AASDH: variants seen among roughly 807,000 people sequenced by gnomAD.
AASDH encodes the protein beta-alanine-activating enzyme.
A neutral mutation model predicts 102.3 loss-of-function variants in AASDH; 81 were observed. The observed-to-expected ratio is 0.79, with a 90% CI of 0.66 to 0.95. The LOEUF is 0.95. Ranked by LOEUF, AASDH falls within the 40% of genes least tolerant of loss-of-function variation. The pLI, the probability that AASDH is intolerant of heterozygous loss-of-function variation, is 0.00. For synonymous variants in AASDH, 398 were observed against 454.0 expected (o/e 0.88, Z 1.57); for missense variants, 1,203 against 1,266.2 (o/e 0.95, Z 0.76).
chr4:56,362,027 G>A (rs1750359759), intron 5 of AASDH, among the ~76,000 whole-genome samples: 1 of 152,190 alleles, frequency 6.6e-6, no homozygotes, highest in Non-Finnish European at 1.5e-5. Context: ...TTGTTACCAA[G>A]AGTATGTAAA....
rs143247945 is a variant in AASDH, at chr4:56,355,766, C to T, written c.862-343G>A. 2.3e-3 allele frequency among the ~76,000 whole-genome samples: 353 copies of T among 151,876 alleles called. 3 individuals carry two copies. Among genetic ancestry groups the T allele is most frequent in the African/African-American group, 8.3e-3 (345 of 41,416 alleles). ...CCTGAACAGCTTGGGACTACAGGCA[C>T]GTACCACCACACCTAGCTAATTTTT... On this transcript the variant is annotated intron_variant, in intron 5 of 14. Coordinates refer to ENST00000205214, the MANE Select transcript of AASDH (RefSeq NM_181806.4).
At chr4:56,361,124 A>G (rs1465044431) in intron 5 of AASDH, among the ~76,000 whole-genome samples, 1 of 152,180 alleles carries the variant, frequency 6.6e-6, no homozygotes, top group Non-Finnish European at 1.5e-5. Flanking sequence ...AAATAAAAAA[A>G]ATGGAGGCCG....
chr4:56,375,198 C>T (rs1373142672), intron 4 of AASDH, among the ~76,000 whole-genome samples: 1 of 152,082 alleles, frequency 6.6e-6, no homozygotes, highest in African/African-American at 2.4e-5. Flanking sequence ...CAGCAATCTT[C>T]CTGCTTTGGC....
intron 5 of AASDH, among the ~76,000 whole-genome samples, chr4:56,363,065 C>G (rs892094846): frequency 6.6e-6 from 1 of 152,336 alleles, no homozygotes; most frequent in African/African-American, 2.4e-5. Flanking sequence ...AACGGCACAC[C>G]AGGAGATTAT....
Position 56,373,543 on chromosome 4 carries a change from A to G in AASDH, c.669-1900T>C, listed in dbSNP as rs1343927042. Among the ~76,000 whole-genome samples the G allele has an allele frequency of 2.0e-5, 3 of 152,168 alleles. No homozygotes were observed. In the East Asian group the frequency reaches 5.8e-4, roughly 29 times the overall value. ...AGAAAGAAGGGCAGGAAAAGGTCAG[A>G]AAGAGACTTTACTTCTGAAGTCCTT... On this transcript the variant is annotated intron_variant, in intron 4 of 14. Coordinates refer to ENST00000205214, the MANE Select transcript of AASDH (RefSeq NM_181806.4).
Position 56,338,808 on chromosome 4 carries a change from A to AAAT in AASDH, c.2908-20_2908-18dup. ...CTGCCAAACCTATAACAAGTAATAA[A>AAAT]AATAAATATAATTCATTCATCTAAT... On this transcript the variant is annotated splice_polypyrimidine_tract_variant and intron_variant, in intron 14 of 14. Coordinates refer to ENST00000205214, the MANE Select transcript of AASDH (RefSeq NM_181806.4). 2 of 1,601,740 alleles carry AAAT rather than the reference A, an allele frequency of 1.2e-6. No individual in the cohort carries two copies. Among genetic ancestry groups the AAAT allele is most frequent in the Non-Finnish European group, 1.7e-6 (2 of 1,173,678 alleles).
chr4:56,374,490 C>G (rs2109982498), intron 4 of AASDH, among the ~76,000 whole-genome samples: 1 of 151,862 alleles, frequency 6.6e-6, no homozygotes, highest in South Asian at 2.1e-4. Flanking sequence ...TAAACTTCTT[C>G]TTCAGAGTGG....
intron 12 of AASDH, among the ~76,000 whole-genome samples, chr4:56,344,041 A>G (rs1748034061): frequency 1.3e-5 from 2 of 152,308 alleles, no homozygotes; most frequent in South Asian, 4.1e-4. Flanking sequence ...AATGATTTAA[A>G]TATAATTTTA....
At chr4:56,386,519 C>T (rs1156801561) in intron 1 of AASDH, among the ~76,000 whole-genome samples, 3 of 152,030 alleles carry the variant, frequency 2.0e-5, no homozygotes, top group African/African-American at 7.2e-5. Flanking sequence ...AAAGGCCGGG[C>T]GCGGTGGCTC....
intron 5 of AASDH, among the ~76,000 whole-genome samples, chr4:56,369,432 C>G (rs1410463881): frequency 1.3e-5 from 2 of 152,178 alleles, no homozygotes; most frequent in Admixed American, 1.3e-4. Flanking sequence ...GAATGACTCT[C>G]TAACAGATGA....
intron 6 of AASDH, 144 bp from the exon 7 acceptor site, chr4:56,354,955 G>T: frequency 1.2e-6 from 1 of 851,862 alleles, no homozygotes; most frequent in Non-Finnish European, 1.8e-6. Flanking sequence ...AAAAGGTTAG[G>T]TGGAAAGGTA....
chr4:56,365,172 T>C (rs967302420), intron 5 of AASDH, among the ~76,000 whole-genome samples: 154 of 152,006 alleles, frequency 1.0e-3, no homozygotes, highest in Admixed American at 9.8e-3. Flanking sequence ...GAGCTAACTA[T>C]CCTAAATATA....
At position 56,353,524 on chromosome 4, in the gene AASDH, T is replaced by C. The variant is rs750146172; in HGVS notation, c.1456A>G (p.Met486Val). The C allele has an allele frequency of 3.1e-6, 5 of 1,613,698 alleles. No homozygotes were observed. The highest frequency in any genetic ancestry group is 4.2e-6 in the Non-Finnish European group (5 of 1,179,940). Residue 486 changes from methionine (M) to valine (V), a missense_variant, in exon 9 of 15, where the codon ATG becomes GTG. Coordinates refer to ENST00000205214, the MANE Select transcript of AASDH (RefSeq NM_181806.4). ...TTTACTGAAGCATCTTTAGACACCA[T>C]GAAGAGAATTAATTTTTCCTGATTA... ...WYNQEKLILF[M>V]VSKDASVKEY...
Position 56,378,393 on chromosome 4 carries a change from G to A in AASDH, c.423C>T (p.Leu141=), listed in dbSNP as rs776194847. Reference sequence around the variant, plus strand: ...CAGTATTTTTCCAGTGAAGTCTGAAGAGCACTAGGTCATTATGTTCCACTG... The same window carrying A: ...CAGTATTTTTCCAGTGAAGTCTGAAAAGCACTAGGTCATTATGTTCCACTG... ...TFTVEHNDLV[L]FRLHWKNTEV... is the part of the protein sequence containing the mutation. Residue 141 remains leucine (L), a synonymous_variant, in exon 4 of 15, where the codon CTC becomes CTT. Coordinates refer to ENST00000205214, the MANE Select transcript of AASDH (RefSeq NM_181806.4). The A allele has an allele frequency of 1.4e-5, 22 of 1,613,668 alleles. No individual in the cohort carries two copies. The Admixed American group carries it at 2.7e-4, about 20-fold the overall frequency.
Position 56,348,493 on chromosome 4 carries a change from G to C in AASDH, c.2488+770C>G, listed in dbSNP as rs546489977. ...TGGTCTCGAACTCCTGGGCACAAGC[G>C]ATCTGTCCACCTTGGCCTCTCAAAG... On this transcript the variant is annotated intron_variant, in intron 11 of 14. Transcript: ENST00000205214. 5.9e-5 allele frequency among the ~76,000 whole-genome samples: 9 copies of C among 152,194 alleles called. No homozygotes were observed. In the South Asian group the frequency reaches 1.0e-3, roughly 18 times the overall value.
At chr4:56,356,497 C>G (rs1749656254) in intron 5 of AASDH, 1 of 1,329,832 alleles carries the variant, frequency 7.5e-7, no homozygotes, top group African/African-American at 1.5e-5. Flanking sequence ...GAGAAGAAAG[C>G]TGCTGGCAAA....
Position 56,387,330 on chromosome 4 carries a change from C to G in AASDH, c.-43+32G>C, listed in dbSNP as rs943579499. Reference sequence around the variant, plus strand: ...GCACTTCGCCTCCTTCACACAGACCCCCGCCGGACACCGCGCCCTGCCGCG... The same window carrying G: ...GCACTTCGCCTCCTTCACACAGACCGCCGCCGGACACCGCGCCCTGCCGCG... On this transcript the variant is annotated intron_variant, in intron 1 of 14. Transcript: ENST00000205214. 3 of 152,584 alleles carry G rather than the reference C, an allele frequency of 2.0e-5. No homozygotes were observed. The East Asian group carries it at 5.8e-4, about 29-fold the overall frequency. The allele number at this position is 152,584 out of a possible 1,614,324, so 9.5% of individuals were successfully genotyped here. A position where few individuals can be genotyped will look rare whatever the true frequency, so the allele number is the denominator to read the frequency against.
At chr4:56,357,920 T>C (rs555714645) in intron 5 of AASDH, among the ~76,000 whole-genome samples, 27 of 151,874 alleles carry the variant, frequency 1.8e-4, no homozygotes, top group Admixed American at 1.6e-3. Context: ...TGTGTTTAAT[T>C]TACAGATCAA....
intron 6 of AASDH, 34 bp from the exon 7 acceptor site, chr4:56,354,845 T>G: frequency 2.7e-6 from 4 of 1,503,744 alleles, no homozygotes; most frequent in Non-Finnish European, 3.6e-6. Context: ...GATTTAAAAT[T>G]TTTCATTTGA....
Sources: allele counts gnomAD v4.1 joint callset (sites outside exome capture counted in the v4.1 genomes callset), GRCh38; gene constraint gnomAD v4.1.1; transcripts MANE v1.5; gene names NCBI Gene and HGNC (gene_info 2026-07-23, HGNC 2026-07-21).